The following FNDC3B variants were observed in gnomAD, a reference collection of about 807,000 sequenced individuals.
FNDC3B encodes the protein fibronectin type III domain-containing protein 3B.
FNDC3B carries 12 observed loss-of-function variants against 151.5 expected under a neutral mutation model. The ratio of observed to expected loss-of-function variants is 0.08; its 90% confidence interval spans 0.05 to 0.13. FNDC3B has a LOEUF of 0.13. Among genes scored for constraint, FNDC3B ranks in the 10% least tolerant of loss-of-function variants. The pLI, the probability that FNDC3B is intolerant of heterozygous loss-of-function variation, is 1.00. For missense variants in FNDC3B, 1,214 were observed against 1,505.3 expected, an observed-to-expected ratio of 0.81 and a Z score of 3.20; for synonymous variants, 528 against 549.0, an observed-to-expected ratio of 0.96 and a Z score of 0.54.
intron 3 of FNDC3B, among the ~76,000 whole-genome samples, chr3:172,163,572 C>T (rs1722880369): frequency 6.6e-6 from 1 of 152,166 alleles, no homozygotes; most frequent in Non-Finnish European, 1.5e-5. Flanking sequence ...TGTTTTTGAA[C>T]TTCACATAAA....
At chr3:172,052,978 C>A (rs867886640) in intron 1 of FNDC3B, among the ~76,000 whole-genome samples, 1 of 152,050 alleles carries the variant, frequency 6.6e-6, no homozygotes, top group African/African-American at 2.4e-5. Context: ...ACTTCCAAAC[C>A]CTCTGACCAC....
intron 3 of FNDC3B, among the ~76,000 whole-genome samples, chr3:172,137,420 G>T (rs1250845458): frequency 6.6e-6 from 1 of 152,166 alleles, no homozygotes; most frequent in Non-Finnish European, 1.5e-5. Context: ...ACTTTGGGAG[G>T]CCAAGGCAGA....
intron 2 of FNDC3B, among the ~76,000 whole-genome samples, chr3:172,121,318 A>G (rs1334522548): frequency 2.0e-5 from 3 of 152,252 alleles, no homozygotes; most frequent in Non-Finnish European, 4.4e-5. Context: ...CATGACTTGT[A>G]AAATGAATTA....
chr3:172,340,991 A>G (rs1301485019), intron 16 of FNDC3B, 122 bp from the exon 17 acceptor site: 22 of 704,032 alleles, frequency 3.1e-5, no homozygotes, highest in Non-Finnish European at 5.6e-5. Flanking sequence ...CTTTCTGGCT[A>G]TTTAAAAAGA....
intron 3 of FNDC3B, among the ~76,000 whole-genome samples, chr3:172,177,997 G>C (rs1003179008): frequency 4.6e-5 from 7 of 152,060 alleles, no homozygotes; most frequent in Non-Finnish European, 8.8e-5. Flanking sequence ...GATGCTTCCA[G>C]CTTCATCCAT....
rs753337028 is a variant in FNDC3B, at chr3:172,330,685, C to G, written c.1524C>G (p.Thr508=). The change falls in exon 13 of 26, where the codon ACC becomes ACG. Residue 508 remains threonine (T), a synonymous_variant. Transcript: ENST00000415807. The part of the protein sequence containing the change: ...PEGCSPEEVI[T]YTLEIQEDEN... ...GCTGTTCACCCGAGGAAGTGATCAC[C>G]TACACCTTGGAAATTCAGGAGGATG... The G allele has an allele frequency of 6.2e-7, 1 of 1,613,700 alleles. No individual in the cohort carries two copies. The highest frequency in any genetic ancestry group is 8.5e-7 in the Non-Finnish European group (1 of 1,179,788).
At chr3:172,281,038 TC>T (rs1252678744) in intron 6 of FNDC3B, among the ~76,000 whole-genome samples, 3 of 147,480 alleles carry the variant, frequency 2.0e-5, no homozygotes, top group Middle Eastern at 3.2e-3. Context: ...GAGCCCCCTT[TC>T]CCTTTTTTAG....
intron 3 of FNDC3B, among the ~76,000 whole-genome samples, chr3:172,192,918 T>C (rs1236728245): frequency 6.6e-6 from 1 of 152,058 alleles, no homozygotes; most frequent in Non-Finnish European, 1.5e-5. Context: ...TTGTCAAAAC[T>C]CAAACTCGGT....
chr3:172,253,860 A>G (rs906393053), intron 6 of FNDC3B, among the ~76,000 whole-genome samples: 1 of 151,562 alleles, frequency 6.6e-6, no homozygotes, highest in Non-Finnish European at 1.5e-5. Context: ...GCTCACTGCA[A>G]CCTCCGCCTC....
At chr3:172,292,534 G>A (rs1730398668) in intron 7 of FNDC3B, among the ~76,000 whole-genome samples, 1 of 152,210 alleles carries the variant, frequency 6.6e-6, no homozygotes, top group South Asian at 2.1e-4. Context: ...TTAAAGGGAT[G>A]TGACTTCATG....
Position 172,353,044 on chromosome 3 carries a change from T to G in FNDC3B, c.2756T>G (p.Met919Arg). The change falls in exon 22 of 26, where the codon ATG becomes AGG. Residue 919 changes from methionine (M) to arginine (R), a missense_variant. By Grantham distance (91) the Met-to-Arg change is moderately conservative (BLOSUM62 -1). Coordinates refer to ENST00000415807, the MANE Select transcript of FNDC3B (RefSeq NM_022763.4). ...AGCATTACCGTGGGCAACACCACCA[T>G]GCATGTTATGAAAGATCTCCTTCCA... ...DTSITVGNTT[M>R]HVMKDLLPET... is the part of the protein sequence containing the mutation. 1 of 1,614,112 alleles carries G rather than the reference T, an allele frequency of 6.2e-7. No homozygotes were observed. Among genetic ancestry groups the G allele is most frequent in the Non-Finnish European group, 8.5e-7 (1 of 1,180,008 alleles).
chr3:172,128,016 G>C (rs150985466), intron 2 of FNDC3B, among the ~76,000 whole-genome samples: 4 of 152,208 alleles, frequency 2.6e-5, no homozygotes, highest in Non-Finnish European at 5.9e-5. Flanking sequence ...AACTTTTGGA[G>C]TAGTGGATAT....
chr3:172,146,069 T>C (rs9840449), intron 3 of FNDC3B, among the ~76,000 whole-genome samples: 74,867 of 151,982 alleles, frequency 0.49, 18,773 homozygotes, highest in East Asian at 0.58. Context: ...CGCCTCGGCC[T>C]CCCAGAGTGC....
At chr3:172,223,979 A>T (rs1576813348) in intron 3 of FNDC3B, among the ~76,000 whole-genome samples, 1 of 152,378 alleles carries the variant, frequency 6.6e-6, no homozygotes, top group East Asian at 1.9e-4. Flanking sequence ...TATGACTATT[A>T]GGAAGTAAGG....
Position 172,397,293 on chromosome 3 carries a change from T to C in FNDC3B, c.3433T>C (p.Ser1145Pro). The C allele has an allele frequency of 6.2e-7, 1 of 1,614,210 alleles. No homozygotes were observed. Among genetic ancestry groups the C allele is most frequent in the Non-Finnish European group, 8.5e-7 (1 of 1,180,040 alleles). Residue 1145 changes from serine to proline, a missense_variant, in exon 26 of 26, where the codon TCT (serine) becomes CCT (proline). This residue lies in a region of FNDC3B where 284 missense variants were observed against 392.4 expected (regional missense o/e 0.72). Coordinates refer to ENST00000415807, the MANE Select transcript of FNDC3B (RefSeq NM_022763.4). ...GGAGCTAAGCGGAGCCTTCAGCCCC[T>C]CTGCGGCTTTTGTATTACAACGAAG... is the stretch of plus-strand genomic sequence containing the variant. ...SQELSGAFSP[S>P]AAFVLQRSEV...
At chr3:172,107,220 G>A (rs1719699543) in intron 1 of FNDC3B, among the ~76,000 whole-genome samples, 1 of 152,202 alleles carries the variant, frequency 6.6e-6, no homozygotes, top group Admixed American at 6.5e-5. Flanking sequence ...GGGAGAGGTT[G>A]CGAGGGCCTG....
chr3:172,327,670 C>G (rs377234926), intron 11 of FNDC3B, among the ~76,000 whole-genome samples: 3 of 152,214 alleles, frequency 2.0e-5, no homozygotes, highest in African/African-American at 7.2e-5. Context: ...TCCCAAAGTG[C>G]TGGGATTACA....
rs879410385 is a variant in FNDC3B, at chr3:172,062,315, C to CT, written c.-29+22558dup. 2.6e-3 allele frequency among the ~76,000 whole-genome samples: 371 copies of CT among 144,358 alleles called. 8 individuals are homozygous for CT. In the South Asian group the frequency reaches 0.042, roughly 16 times the overall value. 94.7% of individuals were successfully genotyped at this position (144,358 alleles called of 152,430 possible). A position where few individuals can be genotyped will look rare whatever the true frequency, so the allele number is the denominator to read the frequency against. ...AATTTCTGCTACTTTTCTCCTCCTT[C>CT]TTTTTTTTTTTTTTGAGATGGAGTC... On this transcript the variant is annotated intron_variant, in intron 1 of 25. Coordinates refer to ENST00000415807, the MANE Select transcript of FNDC3B (RefSeq NM_022763.4).
intron 25 of FNDC3B, among the ~76,000 whole-genome samples, chr3:172,388,021 A>G (rs1176429426): frequency 6.6e-6 from 1 of 152,230 alleles, no homozygotes; most frequent in Non-Finnish European, 1.5e-5. Context: ...GGAGGAATTA[A>G]TTCACCTAGT....
Sources: gnomAD v4.1 joint callset for allele counts (sites outside exome capture counted in the v4.1 genomes callset) on GRCh38, gnomAD v4.1.1 for gene constraint, gnomAD v4.1.1 regional missense constraint, MANE v1.5 for transcripts, NCBI Gene and HGNC (gene_info 2026-07-23, HGNC 2026-07-21) for gene names.